The following ENO3 variants were observed in gnomAD, a reference collection of about 807,000 sequenced individuals.
ENO3 encodes beta-enolase.
A neutral mutation model predicts 47.7 loss-of-function variants in ENO3; 46 were observed. That is an observed-to-expected ratio of 0.96 (90% CI 0.76 to 1.23). ENO3 has a LOEUF of 1.23. ENO3 is among the 50% of genes most tolerant of loss of function. The pLI is 0.00. For synonymous variants in ENO3, 223 were observed against 225.9 expected (o/e 0.99, Z 0.11); for missense variants, 575 against 566.2 (o/e 1.02, Z -0.16).
chr17:4,949,705 TA>T (rs1248946913), upstream of ENO3, among the ~76,000 whole-genome samples: 1 of 151,952 alleles, frequency 6.6e-6, no homozygotes, highest in Non-Finnish European at 1.5e-5. Context: ...GAGCCTGGGC[TA>T]GGGGCAAGGG....
upstream of ENO3, among the ~76,000 whole-genome samples, chr17:4,949,529 A>C (rs949428450): frequency 2.0e-5 from 3 of 152,188 alleles, no homozygotes; most frequent in Non-Finnish European, 4.4e-5. Flanking sequence ...CAAGAGTGGC[A>C]ACTTTTTCAA....
upstream of ENO3, chr17:4,950,506 G>A (rs963319955): frequency 1.0e-4 from 99 of 953,892 alleles, no homozygotes; most frequent in Non-Finnish European, 1.2e-4. Context: ...TCAGTCGGGC[G>A]CCTTGCCAGC....
chr17:4,951,542 GA>G (rs1214823399), intron 1 of ENO3, among the ~76,000 whole-genome samples: 1 of 152,118 alleles, frequency 6.6e-6, no homozygotes, highest in Non-Finnish European at 1.5e-5. Context: ...GGTGGAAGGA[GA>G]AGGCCTAAGT....
upstream of ENO3, chr17:4,950,969 G>C (rs987184471): frequency 1.1e-6 from 1 of 948,070 alleles, no homozygotes; most frequent in African/African-American, 1.8e-5. Flanking sequence ...GGGGGCAGGT[G>C]CCCAGGGCCA....
upstream of ENO3, chr17:4,950,578 G>T: frequency 1.0e-6 from 1 of 985,526 alleles, no homozygotes; most frequent in Non-Finnish European, 1.2e-6. Flanking sequence ...GGCTGGCCTG[G>T]AGAGGGTAGG....
intron 9 of ENO3, chr17:4,956,369 C>A: frequency 1.4e-6 from 1 of 727,666 alleles, no homozygotes; most frequent in Non-Finnish European, 2.3e-6. Context: ...CACCATTCCT[C>A]TCTCAGATTC....
rs1304715771 is a variant in ENO3 at position 4,955,212 on chromosome 17, G to T, written c.582G>T (p.Gly194=). The T allele has an allele frequency of 1.2e-6, 2 of 1,614,154 alleles. No homozygotes were observed. Among genetic ancestry groups the T allele is most frequent in the Non-Finnish European group, 8.5e-7 (1 of 1,180,060 alleles). Residue 194 remains glycine (G), a synonymous_variant, in exon 7 of 12, where the codon GGG becomes GGT. Transcript: ENST00000519602. ...CCGAGGTCTACCACCACCTCAAGGG[G>T]GTCATCAAGGCCAAGTATGGGAAGG... The part of the protein sequence containing the change: ...IGAEVYHHLK[G]VIKAKYGKDA...
At chr17:4,952,161 CTGTGAGGTCCTTTTT>C (rs951676990) in intron 2 of ENO3, 73 of 604,370 alleles carry the variant, frequency 1.2e-4, no homozygotes, top group Non-Finnish European at 2.1e-4. Context: ...GAGAGACTCC[CTGTGAGGTCCTTTTT>C]TTTGTTTTGT....
Position 4,956,628 on chromosome 17 carries a change from G to T in ENO3, c.1123G>T (p.Glu375Ter), listed in dbSNP as rs770822790. ...WGVMVSHRSG[E>*]TEDTFIADLV... ...GGTGATGGTGAGCCACCGCTCTGGG[G>T]AGACTGAGGACACATTCATTGCTGA... The change falls in exon 10 of 12, where the codon GAG (glutamate) becomes TAG (stop). Residue 375 changes from glutamate to a stop codon, truncating the protein, a stop_gained. Transcript: ENST00000519602. LOFTEE classifies it high-confidence loss of function. The T allele has an allele frequency of 6.2e-7, 1 of 1,614,196 alleles. No individual in the cohort carries two copies. The highest frequency in any genetic ancestry group is 2.2e-5 in the East Asian group (1 of 44,882).
intron 8 of ENO3, 54 bp from the exon 9 acceptor site, chr17:4,955,888 C>A (rs1257498074): frequency 6.8e-7 from 1 of 1,465,996 alleles, no homozygotes; most frequent in African/African-American, 1.4e-5. Flanking sequence ...TCTGCCCTGT[C>A]TCTGCCCTGT....
In ENO3 at chr17:4,957,110, T is replaced by TA; in HGVS notation, c.*66dup. Reference sequence around the variant, plus strand: ...GGTCTTCCAGACCTGCTTCCTGAAATAAACACTGGTGCCAACCAAGACAGC... The same window carrying TA: ...GGTCTTCCAGACCTGCTTCCTGAAATAAAACACTGGTGCCAACCAAGACAGC... On this transcript the variant is annotated 3_prime_UTR_variant, in exon 12 of 12. Transcript: ENST00000519602. 6.3e-7 allele frequency: 1 copy of TA among 1,598,352 alleles called. No individual in the cohort carries two copies. Among genetic ancestry groups the TA allele is most frequent in the South Asian group, 1.1e-5 (1 of 90,706 alleles).
At chr17:4,954,950 A>G (rs929279752) in intron 6 of ENO3, 125 bp from the exon 7 acceptor site, 2 of 743,552 alleles carry the variant, frequency 2.7e-6, no homozygotes, top group Non-Finnish European at 4.3e-6. Context: ...GAGCAAAACT[A>G]CTCATCCTAG....
In ENO3 at chr17:4,955,062, C is replaced by CT; in HGVS notation, c.445-12dup. On this transcript the variant is annotated splice_polypyrimidine_tract_variant and intron_variant, in intron 6 of 11. Transcript: ENST00000519602. ...GCCCCGGCCCAGGTCCAGACACCCT[C>CT]TCCCCATCTCAGGCCTTCAATGTGA... 1.9e-6 allele frequency: 3 copies of CT among 1,608,194 alleles called. No individual in the cohort carries two copies. The highest frequency in any genetic ancestry group is 2.5e-6 in the Non-Finnish European group (3 of 1,176,968).
At chr17:4,954,558 A>T (rs116784739) in intron 6 of ENO3, among the ~76,000 whole-genome samples, 1 of 152,206 alleles carries the variant, frequency 6.6e-6, no homozygotes, top group Non-Finnish European at 1.5e-5. Flanking sequence ...TTTACATTCA[A>T]TTTCTCTAAT....
intron 4 of ENO3, 22 bp downstream of exon 4, chr17:4,953,131 C>T: frequency 2.5e-6 from 4 of 1,614,166 alleles, no homozygotes; most frequent in Non-Finnish European, 3.4e-6. Flanking sequence ...AGCCCGCTCG[C>T]TGCAGCCTCC....
chr17:4,956,234 C>A, intron 9 of ENO3, 91 bp downstream of exon 9: 1 of 1,466,548 alleles, frequency 6.8e-7, no homozygotes, highest in African/African-American at 1.4e-5. Context: ...CAACTCCAAG[C>A]TTACCTTTCC....
At chr17:4,950,297 A>T (rs1466002139), upstream of ENO3, 2 of 152,452 alleles carry the variant, frequency 1.3e-5, no homozygotes, top group African/African-American at 4.8e-5. Context: ...CAGTGCTACA[A>T]GTGGGGCGCC....
rs238240 is a variant in ENO3 at position 4,953,517 on chromosome 17, C to G, written c.310+176C>G. ...ATGCCTGCCTTCTGCCAGGCCTGGG[C>G]CGGGCTGTGGACACAGACATGCAGC... On this transcript the variant is annotated intron_variant, in intron 5 of 11. Transcript: ENST00000519602. Among the ~76,000 whole-genome samples, 13,265 of 152,246 alleles carry G rather than the reference C, an allele frequency of 0.087. 789 individuals carry two copies. Among genetic ancestry groups the G allele is most frequent in the Non-Finnish European group, 0.14 (9,563 of 67,984 alleles).
upstream of ENO3, chr17:4,950,776 TACCCCTGGCCTTTCCTAAAGGTC>T (rs1971517459): frequency 1.3e-6 from 1 of 776,780 alleles, no homozygotes; most frequent in South Asian, 5.8e-5. Context: ...GGGCTCAGGT[TACCCCTGGCCTTTCCTAAAGGTC>T]ACTCATTCCT....
Sources: gnomAD v4.1 joint callset for allele counts (sites outside exome capture counted in the v4.1 genomes callset) on GRCh38, gnomAD v4.1.1 for gene constraint, MANE v1.5 for transcripts, NCBI Gene and HGNC (gene_info 2026-07-23, HGNC 2026-07-21) for gene names.